The following LIN9 variants were observed in gnomAD, a reference collection of about 807,000 sequenced individuals.
LIN9 encodes the protein protein lin-9 homolog.
LIN9 carries 18 observed loss-of-function variants against 78.0 expected under a neutral mutation model. The observed-to-expected ratio is 0.23, with a 90% CI of 0.16 to 0.34. The LOEUF (loss-of-function observed/expected upper bound fraction) is 0.34. Among genes scored for constraint, LIN9 ranks in the 10% least tolerant of loss-of-function variants. The pLI, the probability that LIN9 is intolerant of heterozygous loss-of-function variation, is 1.00. For synonymous variants in LIN9, 192 were observed against 215.2 expected, an observed-to-expected ratio of 0.89 and a Z score of 0.94; for missense variants, 451 against 644.1, an observed-to-expected ratio of 0.70 and a Z score of 3.25.
At chr1:226,276,239 A>G (rs1164896282) in intron 7 of LIN9, among the ~76,000 whole-genome samples, 1 of 152,210 alleles carries the variant, frequency 6.6e-6, no homozygotes, top group Admixed American at 6.5e-5. Context: ...TGAGTCTGAG[A>G]GTCACTCTTC....
At chr1:226,281,055 G>A (rs926755345) in intron 6 of LIN9, among the ~76,000 whole-genome samples, 8 of 152,112 alleles carry the variant, frequency 5.3e-5, no homozygotes, top group Non-Finnish European at 8.8e-5. Context: ...TTAAAATATG[G>A]TATATATGCA....
At chr1:226,306,279 C>A (rs1454662999) in intron 1 of LIN9, among the ~76,000 whole-genome samples, 1 of 151,666 alleles carries the variant, frequency 6.6e-6, no homozygotes, top group South Asian at 2.1e-4. Context: ...GAGCTGAGAT[C>A]GCACACTGCA....
intron 10 of LIN9, among the ~76,000 whole-genome samples, chr1:226,253,773 G>A (rs868033757): frequency 5.9e-5 from 9 of 151,904 alleles, no homozygotes; most frequent in East Asian, 2.0e-4. Context: ...AAATTTAGCC[G>A]GCATGATGGC....
At chr1:226,243,129 T>C (rs918105930) in intron 11 of LIN9, among the ~76,000 whole-genome samples, 1 of 152,228 alleles carries the variant, frequency 6.6e-6, no homozygotes, top group Non-Finnish European at 1.5e-5. Context: ...TCAACTGTAT[T>C]TGACTACATC....
chr1:226,303,976 T>C (rs1210153969), intron 1 of LIN9, among the ~76,000 whole-genome samples: 1 of 152,252 alleles, frequency 6.6e-6, no homozygotes, highest in East Asian at 1.9e-4. Context: ...AGACTAGCTA[T>C]GTTTGAATCT....
intron 10 of LIN9, among the ~76,000 whole-genome samples, chr1:226,258,454 GC>G (rs1659343508): frequency 6.9e-6 from 1 of 145,318 alleles, no homozygotes; most frequent in African/African-American, 2.6e-5. Flanking sequence ...GGGTGACAGA[GC>G]AAGACTTTGT....
At chr1:226,254,898 G>A (rs1057489904) in intron 10 of LIN9, among the ~76,000 whole-genome samples, 2 of 136,656 alleles carry the variant, frequency 1.5e-5, no homozygotes, top group South Asian at 2.5e-4. Flanking sequence ...GCGACAGAGC[G>A]AGACTCTGTC....
At chr1:226,289,711 G>T (rs530214508) in intron 4 of LIN9, among the ~76,000 whole-genome samples, 1 of 152,002 alleles carries the variant, frequency 6.6e-6, no homozygotes, top group East Asian at 1.9e-4. Flanking sequence ...TGTAGAGATA[G>T]AAAGCCTGAA....
intron 11 of LIN9, among the ~76,000 whole-genome samples, chr1:226,242,354 G>C (rs1314415885): frequency 2.0e-5 from 3 of 152,094 alleles, no homozygotes; most frequent in African/African-American, 7.2e-5. Flanking sequence ...TCAAATCAGT[G>C]GGAAAGGATG....
intron 1 of LIN9, among the ~76,000 whole-genome samples, chr1:226,305,868 T>C (rs1163079623): frequency 6.6e-6 from 1 of 152,060 alleles, no homozygotes. Flanking sequence ...CGCTGTGTGT[T>C]TGTGGGAAGG....
intron 5 of LIN9, among the ~76,000 whole-genome samples, chr1:226,286,701 T>C (rs900776867): frequency 4.6e-5 from 7 of 152,234 alleles, no homozygotes; most frequent in African/African-American, 1.7e-4. Flanking sequence ...CAATCTCTTA[T>C]ACAGGTATAT....
At chr1:226,281,980 C>T (rs752032293) in intron 6 of LIN9, among the ~76,000 whole-genome samples, 7 of 152,114 alleles carry the variant, frequency 4.6e-5, no homozygotes, top group Admixed American at 1.3e-4. Flanking sequence ...TGTTAACCAC[C>T]GGCGCCCAGC....
chr1:226,289,600 G>A (rs991456776), intron 4 of LIN9, among the ~76,000 whole-genome samples: 4 of 151,968 alleles, frequency 2.6e-5, no homozygotes, highest in Non-Finnish European at 4.4e-5. Context: ...GGGCTCAAGC[G>A]ATCTTCCTGC....
intron 1 of LIN9, among the ~76,000 whole-genome samples, chr1:226,302,973 A>G (rs1439198848): frequency 6.8e-6 from 1 of 147,790 alleles, no homozygotes; most frequent in African/African-American, 2.4e-5. Context: ...ACTTACTTTC[A>G]CTCTACTCTC....
At position 226,265,774 on chromosome 1, in the gene LIN9, G is replaced by A; in HGVS notation, c.937-140C>T. On this transcript the variant is annotated intron_variant, in intron 9 of 14. Transcript: ENST00000681046. This position sits in a 1 kb window ranked among gnomAD's most constrained non-coding sequence, Gnocchi z 4.1. ...GCTCACTGCAATCTCTGACTCCTGG[G>A]TTCAAGCGATTCTCCTGCCTCAGCC... 2.0e-6 allele frequency: 1 copy of A among 506,346 alleles called. No individual in the cohort carries two copies. Among genetic ancestry groups the A allele is most frequent in the Non-Finnish European group, 3.5e-6 (1 of 286,262 alleles). 31.4% of individuals were successfully genotyped at this position (506,346 alleles called of 1,614,324 possible).
chr1:226,285,197 G>A (rs1661318889), intron 6 of LIN9, among the ~76,000 whole-genome samples: 1 of 152,044 alleles, frequency 6.6e-6, no homozygotes, highest in Non-Finnish European at 1.5e-5. Flanking sequence ...CCACTCTGAT[G>A]GACAATAATT....
rs1328525004 is a variant in LIN9 at position 226,301,168 on chromosome 1, C to T, written c.64+5G>A. ...TGGTATACCTAAAAATGCTATACTTCTTACCTTTTAAACTGACAAGGGCTT... is the reference window on the plus strand; with the variant it reads ...TGGTATACCTAAAAATGCTATACTTTTTACCTTTTAAACTGACAAGGGCTT... On this transcript the variant is annotated splice_donor_5th_base_variant and intron_variant, in intron 2 of 14. Transcript: ENST00000681046. 1.3e-6 allele frequency: 2 copies of T among 1,599,172 alleles called. No individual in the cohort carries two copies. Among genetic ancestry groups the T allele is most frequent in the Non-Finnish European group, 1.7e-6 (2 of 1,175,228 alleles).
At chr1:226,241,773 G>C (rs575772764) in intron 11 of LIN9, among the ~76,000 whole-genome samples, 1 of 152,148 alleles carries the variant, frequency 6.6e-6, no homozygotes, top group African/African-American at 2.4e-5. Flanking sequence ...CAGGAGAATG[G>C]CATGAACCCG....
In LIN9 at chr1:226,250,931, GAAGA is replaced by G; in HGVS notation, c.1039-16_1039-13del. 7.5e-7 allele frequency: 1 copy of G among 1,337,126 alleles called. No homozygotes were observed. Among genetic ancestry groups the G allele is most frequent in the Non-Finnish European group, 1.1e-6 (1 of 949,018 alleles). 82.8% of individuals were successfully genotyped at this position (1,337,126 alleles called of 1,614,324 possible). A position where few individuals can be genotyped will look rare whatever the true frequency, so the allele number is the denominator to read the frequency against. On this transcript the variant is annotated splice_polypyrimidine_tract_variant and intron_variant, in intron 10 of 14. Transcript: ENST00000681046. Reference sequence around the variant, plus strand: ...TTTGATAATCTGGTCTACAGACAAAGAAGAAATATTTTAGAATAAACAGAGGCAT... The same window carrying G: ...TTTGATAATCTGGTCTACAGACAAAGAATATTTTAGAATAAACAGAGGCAT...
Sources: gnomAD v4.1 joint callset for allele counts (sites outside exome capture counted in the v4.1 genomes callset) on GRCh38, gnomAD v4.1.1 for gene constraint, Gnocchi (gnomAD v3.1) non-coding constraint, MANE v1.5 for transcripts, NCBI Gene and HGNC (gene_info 2026-07-23, HGNC 2026-07-21) for gene names.